The following CYP2A7 variants were observed in gnomAD, a reference collection of about 807,000 sequenced individuals.
The protein encoded by CYP2A7 is cytochrome P450 2A7.
Under a neutral mutation model 42.0 loss-of-function variants are expected in CYP2A7, and 36 were observed. The observed-to-expected ratio is 0.86, with a 90% CI of 0.66 to 1.13. CYP2A7 has a LOEUF of 1.13. CYP2A7 is among the 50% of genes most tolerant of loss of function. The pLI is 0.00. For missense variants in CYP2A7, 661 were observed against 634.1 expected (o/e 1.04, Z -0.46); for synonymous variants, 260 against 249.5 (o/e 1.04, Z -0.40).
rs1450034449 is a variant in CYP2A7, at chr19:40,875,721, T to A, written c.1457A>T (p.Asn486Ile). Reference sequence around the variant, plus strand: ...GCGGGGCAGGAAGCTCATGGTGTAGTTTCGTGGGATCGTGGCAAAGACCAC... The same window carrying A: ...GCGGGGCAGGAAGCTCATGGTGTAGATTCGTGGGATCGTGGCAAAGACCAC... The part of the protein sequence containing the change: ...KHVVFATIPR[N>I]YTMSFLPR The change falls in exon 9 of 9, where the codon AAC (asparagine) becomes ATC (isoleucine). Residue 486 changes from asparagine (N) to isoleucine (I), a missense_variant. Transcript: ENST00000301146. The A allele has an allele frequency of 1.2e-6, 2 of 1,609,256 alleles. No individual in the cohort carries two copies. The highest frequency in any genetic ancestry group is 1.7e-5 in the Admixed American group (1 of 59,480).
In CYP2A7 at chr19:40,880,097, G is replaced by T; in HGVS notation, c.641C>A (p.Thr214Asn). 1 of 1,612,916 alleles carries T rather than the reference G, an allele frequency of 6.2e-7. No homozygotes were observed. The highest frequency in any genetic ancestry group is 8.5e-7 in the Non-Finnish European group (1 of 1,179,198). Residue 214 changes from threonine (T) to asparagine (N), a missense_variant, in exon 4 of 9, where the codon ACC becomes AAC. Transcript: ENST00000301146. ...MMLGIFQFTS[T>N]STGQLYEMFS... ...GCAGCCAGTTACCTGCCCCGTGGAGGTTGACGTGAACTGGAAGATTCCTAG... is the reference window on the plus strand; with the variant it reads ...GCAGCCAGTTACCTGCCCCGTGGAGTTTGACGTGAACTGGAAGATTCCTAG...
chr19:40,876,258 C>T (rs189345209), intron 8 of CYP2A7: 79 of 603,280 alleles, frequency 1.3e-4, no homozygotes, highest in African/African-American at 1.2e-3. Context: ...GACTGCTGTG[C>T]CGTCATCTCC....
chr19:40,875,501 C>T lies in CYP2A7; in HGVS notation c.*192G>A. 1 of 699,792 alleles carries T rather than the reference C, an allele frequency of 1.4e-6. No homozygotes were observed. Among genetic ancestry groups the T allele is most frequent in the Non-Finnish European group, 2.4e-6 (1 of 416,000 alleles). 43.3% of individuals were successfully genotyped at this position (699,792 alleles called of 1,614,324 possible). ...AGCATAATGTAAGGTTTCCCTTCCT[C>T]TCATCCCAGCTCGGAAGCACCTTAT... On this transcript the variant is annotated 3_prime_UTR_variant, in exon 9 of 9. Transcript: ENST00000301146.
rs774438989 is a variant in CYP2A7, at chr19:40,877,311, G to A, written c.1040C>T (p.Thr347Ile). 3.1e-6 allele frequency: 5 copies of A among 1,612,632 alleles called. No individual in the cohort carries two copies. In the South Asian group the frequency reaches 4.4e-5, roughly 14 times the overall value. ...KNRQPKFEDR[T>I]KMPYMEAVIH... ...CACTGCCTCCATGTAGGGCATCTTG[G>A]TCCGGTCCTCAAACTTGGGCTGCCG... Residue 347 changes from threonine (T) to isoleucine (I), a missense_variant, in exon 7 of 9, where the codon ACC (threonine) becomes ATC (isoleucine). Coordinates refer to ENST00000301146, the MANE Select transcript of CYP2A7 (RefSeq NM_000764.3).
In CYP2A7 at chr19:40,876,659, C is replaced by A; in HGVS notation, c.1171G>T (p.Val391Leu). 1 of 1,611,924 alleles carries A rather than the reference C, an allele frequency of 6.2e-7. No individual in the cohort carries two copies. Among genetic ancestry groups the A allele is most frequent in the Non-Finnish European group, 8.5e-7 (1 of 1,178,556 alleles). Residue 391 changes from valine to leucine, a missense_variant, in exon 8 of 9, where the codon GTG (valine) becomes TTG (leucine). Physicochemically the swap from Val to Leu is conservative, Grantham distance 32. This residue lies in a region of CYP2A7 where 614 missense variants were observed against 552.4 expected (regional missense o/e 1.11). Coordinates refer to ENST00000301146, the MANE Select transcript of CYP2A7 (RefSeq NM_000764.3). ...RDFFLPKGTE[V>L]FPMLGSVLRD... Reference sequence around the variant, plus strand: ...AGCACGGAGCCCAGCATAGGGAACACTTCGGTGCCCTGGTAGGGAGGAGGA... The same window carrying A: ...AGCACGGAGCCCAGCATAGGGAACAATTCGGTGCCCTGGTAGGGAGGAGGA...
rs569577833 is a variant in CYP2A7, at chr19:40,877,625, C to T, written c.973+227G>A. On this transcript the variant is annotated intron_variant, in intron 6 of 8. Coordinates refer to ENST00000301146, the MANE Select transcript of CYP2A7 (RefSeq NM_000764.3). ...GACCCGGGGGAAGGGGCAGCGGGCA[C>T]TCAGTGGGCTTGGGACAGAAGTGAC... is the stretch of plus-strand genomic sequence containing the variant. Among the ~76,000 whole-genome samples the T allele has an allele frequency of 5.3e-5, 8 of 151,552 alleles. No homozygotes were observed. The South Asian group carries it at 1.5e-3, about 28-fold the overall frequency.
At chr19:40,881,905 G>T (rs894227652) in intron 1 of CYP2A7, 126 bp downstream of exon 1, 17 of 1,501,478 alleles carry the variant, frequency 1.1e-5, no homozygotes, top group Middle Eastern at 1.9e-4. Context: ...GCTAGGACCC[G>T]GATGCTGAAA....
intron 6 of CYP2A7, 61 bp downstream of exon 6, chr19:40,877,791 C>T: frequency 6.4e-7 from 1 of 1,555,074 alleles, no homozygotes; most frequent in Non-Finnish European, 8.7e-7. Context: ...GGACATTGCA[C>T]CAGTCGAAGG....
In CYP2A7 at chr19:40,875,524, T is replaced by C. The variant is rs1042924400; in HGVS notation, c.*169A>G. On this transcript the variant is annotated 3_prime_UTR_variant, in exon 9 of 9. Coordinates refer to ENST00000301146, the MANE Select transcript of CYP2A7 (RefSeq NM_000764.3). ...CTCTCATCCCAGCTCGGAAGCACCTTATCAAGGTGAACTGAGCCGCTTCTG... is the reference window on the plus strand; with the variant it reads ...CTCTCATCCCAGCTCGGAAGCACCTCATCAAGGTGAACTGAGCCGCTTCTG... 6 of 781,208 alleles carry C rather than the reference T, an allele frequency of 7.7e-6. No homozygotes were observed. The highest frequency in any genetic ancestry group is 7.1e-5 in the African/African-American group (4 of 56,644). 48.4% of individuals were successfully genotyped at this position (781,208 alleles called of 1,614,324 possible).
In CYP2A7 at chr19:40,877,180, A is replaced by C. The variant is rs538291574; in HGVS notation, c.1161+10T>G. 18 of 1,612,038 alleles carry C rather than the reference A, an allele frequency of 1.1e-5. No homozygotes were observed. The highest frequency in any genetic ancestry group is 6.7e-5 in the Admixed American group (4 of 59,860). ...AGTCCCCGTAGTCTAGGGGGTGGGG[A>C]GGATAGCACCTTAGGGAGGAAAAAA... On this transcript the variant is annotated intron_variant, in intron 7 of 8. Transcript: ENST00000301146.
At chr19:40,878,729 G>C in intron 5 of CYP2A7, 31 bp downstream of exon 5, 1 of 1,606,110 alleles carries the variant, frequency 6.2e-7, no homozygotes, top group South Asian at 1.1e-5. Context: ...GCCTGGCTTT[G>C]CACCTCCCCG....
rs183006284 is a variant in CYP2A7 at position 40,877,280 on chromosome 19, G to A, written c.1071C>T (p.His357=). Residue 357 remains histidine, a synonymous_variant, in exon 7 of 9, where the codon CAC becomes CAT. Transcript: ENST00000301146. Reference sequence around the variant, plus strand: ...TCACGTCTCCAAATCTTTGGATCTCGTGGATCACTGCCTCCATGTAGGGCA... The same window carrying A: ...TCACGTCTCCAAATCTTTGGATCTCATGGATCACTGCCTCCATGTAGGGCA... ...TKMPYMEAVI[H]EIQRFGDVIP... 7.4e-6 allele frequency: 12 copies of A among 1,612,830 alleles called. No individual in the cohort carries two copies. Among genetic ancestry groups the A allele is most frequent in the African/African-American group, 2.7e-5 (2 of 74,942 alleles).
rs1433389167 is a variant in CYP2A7 at position 40,876,523 on chromosome 19, T to C, written c.1303+4A>G. 3.1e-6 allele frequency: 5 copies of C among 1,612,818 alleles called. No homozygotes were observed. The South Asian group carries it at 4.4e-5, about 14-fold the overall frequency. On this transcript the variant is annotated splice_donor_region_variant and intron_variant, in intron 8 of 8. Transcript: ENST00000301146. The stretch of plus-strand genomic sequence containing the variant: ...TGGCCTGGCAGCAAACAGTGGTCTC[T>C]TACCGATGGAAAAGGGCACAAAAGC...
Position 40,877,279 on chromosome 19 carries a change from C to G in CYP2A7, c.1072G>C (p.Glu358Gln), listed in dbSNP as rs754736886. ...ATCACGTCTCCAAATCTTTGGATCTCGTGGATCACTGCCTCCATGTAGGGC... is the reference window on the plus strand; with the variant it reads ...ATCACGTCTCCAAATCTTTGGATCTGGTGGATCACTGCCTCCATGTAGGGC... Reference protein sequence around the residue: ...KMPYMEAVIHEIQRFGDVIPM... With the variant: ...KMPYMEAVIHQIQRFGDVIPM... The change falls in exon 7 of 9, where the codon GAG becomes CAG. Residue 358 changes from glutamate (E) to glutamine (Q), a missense_variant. Physicochemically the swap from Glu to Gln is conservative, Grantham distance 29. Around this residue, in one of 3 missense-constraint regions of CYP2A7, gnomAD observed 614 missense variants for 552.4 expected, o/e 1.11. Coordinates refer to ENST00000301146, the MANE Select transcript of CYP2A7 (RefSeq NM_000764.3). 1.9e-6 allele frequency: 3 copies of G among 1,612,776 alleles called. No homozygotes were observed. The highest frequency in any genetic ancestry group is 2.5e-6 in the Non-Finnish European group (3 of 1,179,204).
Position 40,877,854 on chromosome 19 carries a change from T to C in CYP2A7, c.971A>G (p.Glu324Gly). ...CTTCCGTCCCCCTCCAGCCTTACCC[T>C]CCACCTCTGGGTGCTTCATGAGCAG... ...FLLLMKHPEVEAKVHEEIDRV... is the reference protein window; with the variant it reads ...FLLLMKHPEVGAKVHEEIDRV... Residue 324 changes from glutamate to glycine, a missense_variant and splice_region_variant, in exon 6 of 9, where the codon GAG becomes GGG. Transcript: ENST00000301146. 1 of 1,604,118 alleles carries C rather than the reference T, an allele frequency of 6.2e-7. No homozygotes were observed. The highest frequency in any genetic ancestry group is 8.5e-7 in the Non-Finnish European group (1 of 1,175,840).
chr19:40,880,724 G>A lies in CYP2A7; in HGVS notation c.344-96C>T, dbSNP rs1038746630. On this transcript the variant is annotated intron_variant, in intron 2 of 8. Transcript: ENST00000301146. The stretch of plus-strand genomic sequence containing the variant: ...GGCTCCCCAAGGGTGGAGCAGAGGG[G>A]TAGTGGGGTGGGAGAGAGATGGATT... The A allele has an allele frequency of 3.8e-6, 5 of 1,330,846 alleles. No individual in the cohort carries two copies. The Admixed American group carries it at 1.2e-4, about 32-fold the overall frequency. 82.4% of individuals were successfully genotyped at this position (1,330,846 alleles called of 1,614,324 possible). A position where few individuals can be genotyped will look rare whatever the true frequency, so the allele number is the denominator to read the frequency against.
At chr19:40,880,391 A>C in intron 3 of CYP2A7, 88 bp downstream of exon 3, 3 of 1,563,854 alleles carry the variant, frequency 1.9e-6, no homozygotes, top group Non-Finnish European at 1.7e-6. Flanking sequence ...TTCCCCACCT[A>C]GTCCCCATCC....
At chr19:40,880,376 C>T in intron 3 of CYP2A7, 103 bp downstream of exon 3, 1 of 1,548,094 alleles carries the variant, frequency 6.5e-7, no homozygotes, top group East Asian at 2.3e-5. Context: ...GAAGTGCGGG[C>T]GCCTTTCCCC....
At position 40,880,397 on chromosome 19, in the gene CYP2A7, C is replaced by G. The variant is rs1267651162; in HGVS notation, c.493+82G>C. 31 of 1,566,706 alleles carry G rather than the reference C, an allele frequency of 2.0e-5. No homozygotes were observed. In the African/African-American group the frequency reaches 3.9e-4, roughly 20 times the overall value. On this transcript the variant is annotated intron_variant, in intron 3 of 8. Transcript: ENST00000301146. Reference sequence around the variant, plus strand: ...CGGGCGCCTTTCCCCACCTAGTCCCCATCCGCAGGCAGAACGCGCGCGGGT... The same window carrying G: ...CGGGCGCCTTTCCCCACCTAGTCCCGATCCGCAGGCAGAACGCGCGCGGGT...
Sources: allele counts gnomAD v4.1 joint callset (sites outside exome capture counted in the v4.1 genomes callset), GRCh38; gene constraint gnomAD v4.1.1; regional missense constraint gnomAD v4.1.1; transcripts MANE v1.5; gene names NCBI Gene and HGNC (gene_info 2026-07-23, HGNC 2026-07-21).